KMT2E: variants seen among roughly 807,000 people sequenced by gnomAD.
KMT2E encodes the protein histone reader KMT2E.
In KMT2E, 30 loss-of-function variants were observed where a neutral mutation model predicts 184.6. The ratio of observed to expected loss-of-function variants is 0.16; its 90% CI spans 0.12 to 0.22. The LOEUF is 0.22. Among genes scored for constraint, KMT2E ranks in the 10% least tolerant of loss-of-function variants. The pLI is 1.00. For synonymous variants in KMT2E, 815 were observed against 776.5 expected, an observed-to-expected ratio of 1.05 and a Z score of -0.82; for missense variants, 2,023 against 2,237.4, an observed-to-expected ratio of 0.90 and a Z score of 1.93.
chr7:105,103,827 CT>C (rs66584948), intron 17 of KMT2E: 25,867 of 117,332 alleles, frequency 0.22, 2,779 homozygotes, highest in East Asian at 0.5. Context: ...TTTTCTTTTT[CT>C]TTTTTTTTTT....
At chr7:105,081,874 C>T in intron 13 of KMT2E, 77 bp downstream of exon 13, 1 of 651,990 alleles carries the variant, frequency 1.5e-6, no homozygotes, top group Non-Finnish European at 2.7e-6. Context: ...TAGGTATTGT[C>T]ATTACTTTTA....
Position 105,106,612 on chromosome 7 carries a change from C to T in KMT2E, c.2687C>T (p.Ala896Val), listed in dbSNP as rs1315639539. Reference protein sequence around the residue: ...ETSTPTPSPYATPTHTDITPM... With the variant: ...ETSTPTPSPYVTPTHTDITPM... ...TCCACACCTACTCCTTCCCCGTATG[C>T]TACACCAACTCACACCGATATTACT... is the stretch of plus-strand genomic sequence containing the variant. Residue 896 changes from alanine (A) to valine (V), a missense_variant, in exon 20 of 27, where the codon GCT (alanine) becomes GTT (valine). This residue lies in a region of KMT2E where 514 missense variants were observed against 621.8 expected (regional missense o/e 0.83). Transcript: ENST00000311117. 1 of 1,614,034 alleles carries T rather than the reference C, an allele frequency of 6.2e-7. No homozygotes were observed. The highest frequency in any genetic ancestry group is 1.7e-5 in the Admixed American group (1 of 60,012).
At position 105,035,206 on chromosome 7, in the gene KMT2E, G is replaced by T. The variant is rs796972890; in HGVS notation, c.-188-2920G>T. On this transcript the variant is annotated intron_variant, in intron 1 of 26. Coordinates refer to ENST00000311117, the MANE Select transcript of KMT2E (RefSeq NM_182931.3). ...AGCCTGGCTAATTTTTTTTTTTTTT[G>T]TATTTTTAGTAGAGACGGGGTTTCA... Among the ~76,000 whole-genome samples, 492 of 137,396 alleles carry T rather than the reference G, an allele frequency of 3.6e-3. 15 individuals are homozygous for T. The East Asian group carries it at 0.066, about 18-fold the overall frequency. 90.1% of individuals were successfully genotyped at this position (137,396 alleles called of 152,430 possible).
chr7:105,113,369 A>G lies in KMT2E; in HGVS notation c.*36A>G. On this transcript the variant is annotated 3_prime_UTR_variant, in exon 27 of 27. Transcript: ENST00000311117. ...AAAAACATTTTTTTAAATGTTCTGT[A>G]AGATAAACTGTATATTTCATATGTA... The G allele has an allele frequency of 1.3e-6, 2 of 1,576,244 alleles. No homozygotes were observed. The highest frequency in any genetic ancestry group is 1.7e-6 in the Non-Finnish European group (2 of 1,156,676).
At chr7:105,018,465 A>G (rs1243694580) in intron 1 of KMT2E, among the ~76,000 whole-genome samples, 1 of 152,200 alleles carries the variant, frequency 6.6e-6, no homozygotes, top group East Asian at 1.9e-4. Context: ...TTATTGAAGC[A>G]AACACATTTA....
chr7:105,113,397 T>G lies in KMT2E; in HGVS notation c.*64T>G. 6.7e-7 allele frequency: 1 copy of G among 1,484,770 alleles called. No individual in the cohort carries two copies. The highest frequency in any genetic ancestry group is 9.0e-7 in the Non-Finnish European group (1 of 1,106,666). The allele number at this position is 1,484,770 out of a possible 1,614,324, so 92.0% of individuals were successfully genotyped here. A position where few individuals can be genotyped will look rare whatever the true frequency, so the allele number is the denominator to read the frequency against. On this transcript the variant is annotated 3_prime_UTR_variant, in exon 27 of 27. Coordinates refer to ENST00000311117, the MANE Select transcript of KMT2E (RefSeq NM_182931.3). Reference sequence around the variant, plus strand: ...ATAAACTGTATATTTCATATGTACCTGTTAAGGTACTTTTTAAAGCTTGTA... The same window carrying G: ...ATAAACTGTATATTTCATATGTACCGGTTAAGGTACTTTTTAAAGCTTGTA...
Position 105,090,179 on chromosome 7 carries a change from C to G in KMT2E, c.1529C>G (p.Thr510Ser). ...KEKDTQNQNITLDCEGTTNKM... is the reference protein window; with the variant it reads ...KEKDTQNQNISLDCEGTTNKM... ...AAAGATACACAAAATCAGAATATTACTTTGGATTGTGAAGGAACGACCAAC... is the reference window on the plus strand; with the variant it reads ...AAAGATACACAAAATCAGAATATTAGTTTGGATTGTGAAGGAACGACCAAC... The change falls in exon 14 of 27, where the codon ACT (threonine) becomes AGT (serine). Residue 510 changes from threonine to serine, a missense_variant. Physicochemically the swap from Thr to Ser is moderately conservative, Grantham distance 58. Around this residue, in one of 8 missense-constraint regions of KMT2E, gnomAD observed 514 missense variants for 621.8 expected, o/e 0.83. Coordinates refer to ENST00000311117, the MANE Select transcript of KMT2E (RefSeq NM_182931.3). 1 of 1,612,528 alleles carries G rather than the reference C, an allele frequency of 6.2e-7. No homozygotes were observed.
chr7:105,111,918 GA>G lies in KMT2E; in HGVS notation c.4164del (p.Ala1389LeufsTer7). The G allele has an allele frequency of 6.2e-7, 1 of 1,614,096 alleles. No individual in the cohort carries two copies. The highest frequency in any genetic ancestry group is 8.5e-7 in the Non-Finnish European group (1 of 1,180,018). ...PQWDSTVSAS[E>X]AENGVHLKTE... ...ATGGGACTCCACAGTTAGTGCATCC[GA>G]AGCTGAAAATGGTGTTCACCTAAAA... On this transcript the variant is annotated frameshift_variant, in exon 27 of 27. Transcript: ENST00000311117. LOFTEE classifies it high-confidence loss of function.
At chr7:105,067,079 A>AC (rs1283823926) in intron 6 of KMT2E, among the ~76,000 whole-genome samples, 1 of 149,832 alleles carries the variant, frequency 6.7e-6, no homozygotes. Flanking sequence ...AAAAAAAAAA[A>AC]AAAAAGAAAA....
At chr7:105,097,733 A>G (rs1798472191) in intron 15 of KMT2E, among the ~76,000 whole-genome samples, 1 of 152,212 alleles carries the variant, frequency 6.6e-6, no homozygotes, top group Admixed American at 6.5e-5. Flanking sequence ...GAGGTTAATC[A>G]GCTTTAACTG....
At chr7:105,046,739 A>G (rs950315893) in intron 3 of KMT2E, among the ~76,000 whole-genome samples, 1 of 152,240 alleles carries the variant, frequency 6.6e-6, no homozygotes, top group Non-Finnish European at 1.5e-5. Context: ...CCTTGAGAGT[A>G]TCACATTATG....
intron 15 of KMT2E, among the ~76,000 whole-genome samples, chr7:105,095,841 A>G (rs1052337709): frequency 6.6e-6 from 1 of 151,974 alleles, no homozygotes; most frequent in Non-Finnish European, 1.5e-5. Context: ...GTGGGGCTAG[A>G]TGGCTGTAAT....
intron 3 of KMT2E, among the ~76,000 whole-genome samples, chr7:105,050,621 CTTTTCTTTTCTTTTCTCTTTTCTT>C (rs748386222): frequency 4.1e-4 from 58 of 142,580 alleles, no homozygotes; most frequent in Non-Finnish European, 7.0e-4. Flanking sequence ...ATTTTTTTTC[CTTTTCTTTTCTTTTCTCTTTTCTT>C]TTTTCTTTCT....
At chr7:105,090,687 C>G (rs902152996) in intron 14 of KMT2E, among the ~76,000 whole-genome samples, 3 of 152,104 alleles carry the variant, frequency 2.0e-5, no homozygotes, top group Admixed American at 6.5e-5. Flanking sequence ...AGAGAAAATT[C>G]ACTAAGAACA....
chr7:105,110,432 T>C (rs563647978), intron 24 of KMT2E, 45 bp from the exon 25 acceptor site: 1 of 1,614,150 alleles, frequency 6.2e-7, no homozygotes, highest in African/African-American at 1.3e-5. Context: ...CCTCGTTCTT[T>C]GCAGCTCTAA....
chr7:105,108,115 T>A (rs1798994003), intron 22 of KMT2E, among the ~76,000 whole-genome samples, 190 bp downstream of exon 22: 1 of 152,070 alleles, frequency 6.6e-6, no homozygotes, highest in South Asian at 2.1e-4. Flanking sequence ...AGTAAAAAAA[T>A]TCTAGTAATA....
chr7:105,034,765 C>G (rs1795563414), intron 1 of KMT2E, among the ~76,000 whole-genome samples: 1 of 147,710 alleles, frequency 6.8e-6, no homozygotes, highest in African/African-American at 2.5e-5. Flanking sequence ...TTCTGAATAA[C>G]CTATCCTCCA....
intron 20 of KMT2E, 100 bp from the exon 21 acceptor site, chr7:105,107,065 TA>T: frequency 1.4e-6 from 1 of 722,090 alleles, no homozygotes; most frequent in Non-Finnish European, 2.2e-6. Flanking sequence ...GATCTAAAAC[TA>T]AAGTCTGTAT....
chr7:105,038,771 A>G (rs1248748167), intron 2 of KMT2E, among the ~76,000 whole-genome samples: 1 of 152,118 alleles, frequency 6.6e-6, no homozygotes, highest in African/African-American at 2.4e-5. Context: ...CGAATTCATC[A>G]TTTTATTAAA....
Sources: allele counts gnomAD v4.1 joint callset (sites outside exome capture counted in the v4.1 genomes callset), GRCh38; gene constraint gnomAD v4.1.1; regional missense constraint gnomAD v4.1.1; transcripts MANE v1.5; gene names NCBI Gene and HGNC (gene_info 2026-07-23, HGNC 2026-07-21).